The following SAMD12 variants were observed in gnomAD, a reference collection of about 807,000 sequenced individuals.
SAMD12 encodes the protein sterile alpha motif domain-containing protein 12.
Under a neutral mutation model 15.0 loss-of-function variants are expected in SAMD12, and 9 were observed. The ratio of observed to expected loss-of-function variants is 0.60; its 90% CI spans 0.36 to 1.05. The LOEUF (loss-of-function observed/expected upper bound fraction) is 1.05. SAMD12 is among the 50% of genes least tolerant of loss of function. The probability of loss-of-function intolerance (pLI) is 0.01; values close to 1 mark genes in which losing one functional copy is unlikely to be tolerated. For missense variants in SAMD12, 230 were observed against 234.2 expected, an observed-to-expected ratio of 0.98 and a Z score of 0.12; for synonymous variants, 86 against 90.1, an observed-to-expected ratio of 0.96 and a Z score of 0.25.
intron 2 of SAMD12, among the ~76,000 whole-genome samples, chr8:118,515,185 A>ATTTTTTTT (rs55864364): frequency 9.7e-5 from 10 of 103,296 alleles, no homozygotes; most frequent in African/African-American, 1.6e-4. Flanking sequence ...CGCCCAGCTA[A>ATTTTTTTT]TTTTTTTTTT....
At chr8:118,168,183 A>G in the SAMD12 span, among the ~76,000 whole-genome samples, 1 of 152,188 alleles carries the variant, frequency 6.6e-6, no homozygotes, top group Non-Finnish European at 1.5e-5. Flanking sequence ...CCAGTCTCAG[A>G]TATGTCTTTA....
intron 4 of SAMD12, among the ~76,000 whole-genome samples, chr8:118,240,197 A>T (rs1343362466): frequency 1.3e-5 from 2 of 152,136 alleles, no homozygotes; most frequent in Non-Finnish European, 2.9e-5. Flanking sequence ...TGTTGGAAGC[A>T]AATATTCTAG....
At chr8:118,311,522 C>G (rs1815631059) in intron 4 of SAMD12, among the ~76,000 whole-genome samples, 1 of 152,184 alleles carries the variant, frequency 6.6e-6, no homozygotes, top group African/African-American at 2.4e-5. Context: ...TAGAGCATCT[C>G]TGTAACATAT....
chr8:118,415,010 T>C (rs1821609396), intron 3 of SAMD12, among the ~76,000 whole-genome samples: 1 of 152,208 alleles, frequency 6.6e-6, no homozygotes, highest in African/African-American at 2.4e-5. Flanking sequence ...CTCGTGACAA[T>C]TAAAACAGTA....
chr8:118,388,234 C>T (rs9297584), intron 3 of SAMD12, among the ~76,000 whole-genome samples: 26,697 of 152,122 alleles, frequency 0.18, 2,742 homozygotes, highest in Non-Finnish European at 0.21. Flanking sequence ...CTATACTCGC[C>T]ATTTCATGCT....
intron 3 of SAMD12, among the ~76,000 whole-genome samples, chr8:118,415,217 G>C (rs1353324917): frequency 6.6e-6 from 1 of 152,086 alleles, no homozygotes; most frequent in Non-Finnish European, 1.5e-5. Flanking sequence ...CAGAAGAAAA[G>C]GCAAAGGGAA....
chr8:118,444,238 T>C (rs1822838372), intron 2 of SAMD12, among the ~76,000 whole-genome samples: 1 of 152,184 alleles, frequency 6.6e-6, no homozygotes, highest in Non-Finnish European at 1.5e-5. Context: ...TTTGCCCCAG[T>C]TCTTTTTCTC....
chr8:118,461,343 C>T (rs1823416906), intron 2 of SAMD12, among the ~76,000 whole-genome samples: 1 of 152,126 alleles, frequency 6.6e-6, no homozygotes, highest in Admixed American at 6.5e-5. Flanking sequence ...GTTCAGATAG[C>T]CAAGACAGAA....
At chr8:118,157,070 T>C in the SAMD12 span, among the ~76,000 whole-genome samples, 1 of 152,052 alleles carries the variant, frequency 6.6e-6, no homozygotes, top group Admixed American at 6.5e-5. Context: ...TTACATAGAG[T>C]TGGAGTCACT....
At chr8:118,394,483 T>A (rs370072271) in intron 3 of SAMD12, among the ~76,000 whole-genome samples, 3 of 152,228 alleles carry the variant, frequency 2.0e-5, no homozygotes, top group Non-Finnish European at 4.4e-5. Context: ...GCCAAAATCC[T>A]GGACATTGCT....
rs1586539666 is a variant in SAMD12, at chr8:118,329,584, G to A, written c.433+49976C>T. Among the ~76,000 whole-genome samples the A allele has an allele frequency of 2.0e-5, 3 of 152,036 alleles. No homozygotes were observed. The East Asian group carries it at 5.8e-4, about 29-fold the overall frequency. On this transcript the variant is annotated intron_variant, in intron 4 of 4. Transcript: ENST00000409003. ...ACGATTATCACTATGCTGTACTTGT[G>A]TTCATTATCCACTTGAAAACAAAAA... is the stretch of plus-strand genomic sequence containing the variant.
rs980326960 is a variant in SAMD12 at position 118,574,457 on chromosome 8, A to T, written c.192+6258T>A. ...AGACTGTGTCACTGCTAGCCTCAAG[A>T]TCTTTGTGAAGTCATTCAGTCTCAT... is the stretch of plus-strand genomic sequence containing the variant. On this transcript the variant is annotated intron_variant, in intron 2 of 3. Coordinates refer to ENST00000314727, the MANE Select transcript of SAMD12 (RefSeq NM_207506.3). Among the ~76,000 whole-genome samples, 11 of 152,336 alleles carry T rather than the reference A, an allele frequency of 7.2e-5. No individual in the cohort carries two copies. In the East Asian group the frequency reaches 2.1e-3, roughly 29 times the overall value.
At chr8:118,376,617 C>T (rs1298951282), downstream of SAMD12, among the ~76,000 whole-genome samples, 8 of 152,082 alleles carry the variant, frequency 5.3e-5, no homozygotes, top group Non-Finnish European at 5.9e-5. Flanking sequence ...GTTAGATAAT[C>T]ATCAACAACA....
chr8:118,433,770 T>C (rs535940507), intron 3 of SAMD12, among the ~76,000 whole-genome samples: 2 of 152,094 alleles, frequency 1.3e-5, no homozygotes, highest in East Asian at 3.9e-4. Context: ...AAAAAACAAA[T>C]ACAAAGAGAT....
intron 4 of SAMD12, among the ~76,000 whole-genome samples, chr8:118,239,453 A>T (rs1812518942): frequency 6.6e-6 from 1 of 152,120 alleles, no homozygotes; most frequent in Non-Finnish European, 1.5e-5. Flanking sequence ...TCTATTACTG[A>T]GTACCTATTA....
At chr8:118,537,749 G>T (rs1471981123) in intron 2 of SAMD12, among the ~76,000 whole-genome samples, 1 of 152,162 alleles carries the variant, frequency 6.6e-6, no homozygotes, top group African/African-American at 2.4e-5. Flanking sequence ...TGTCTGAAAG[G>T]TCACATATCT....
intron 2 of SAMD12, among the ~76,000 whole-genome samples, chr8:118,554,947 T>C (rs1216256593): frequency 6.6e-6 from 1 of 152,194 alleles, no homozygotes; most frequent in Non-Finnish European, 1.5e-5. Context: ...GATTTAGATT[T>C]GGATTTCTAA....
chr8:118,445,285 A>T (rs7012582), intron 2 of SAMD12, among the ~76,000 whole-genome samples: 103,580 of 152,068 alleles, frequency 0.68, 35,378 homozygotes, highest in Middle Eastern at 0.74. Context: ...TACTTGATAT[A>T]TGAATTAATT....
chr8:118,163,798 C>G, the SAMD12 span, among the ~76,000 whole-genome samples: 1 of 147,824 alleles, frequency 6.8e-6, no homozygotes, highest in African/African-American at 2.7e-5. Flanking sequence ...TGGAGTGAAC[C>G]CTGGAGGCAG....
Sources: gnomAD v4.1 joint callset for allele counts (sites outside exome capture counted in the v4.1 genomes callset) on GRCh38, gnomAD v4.1.1 for gene constraint, MANE v1.5 for transcripts, NCBI Gene and HGNC (gene_info 2026-07-23, HGNC 2026-07-21) for gene names.